ALK: variants seen among roughly 807,000 people sequenced by gnomAD.
ALK encodes the protein ALK receptor tyrosine kinase, also known as ALK tyrosine kinase receptor.
ALK carries 74 observed loss-of-function variants against 163.1 expected under a neutral mutation model. That is an observed-to-expected ratio of 0.45 (90% CI 0.38 to 0.55). The LOEUF is 0.55. ALK is among the 20% of genes least tolerant of loss of function. The pLI is 0.00. For missense variants in ALK, 2,063 were observed against 2,105.3 expected, an observed-to-expected ratio of 0.98 and a Z score of 0.39; for synonymous variants, 960 against 843.2, an observed-to-expected ratio of 1.14 and a Z score of -2.40.
intron 3 of ALK, among the ~76,000 whole-genome samples, chr2:29,556,373 C>G (rs540896769): frequency 8.3e-4 from 127 of 152,336 alleles, no homozygotes; most frequent in African/African-American, 3.0e-3. Context: ...GTGTGGCATT[C>G]AGCAAGGGTT....
rs2148138148 is a variant in ALK at position 29,193,600 on chromosome 2, C to T, written c.4487G>A (p.Arg1496Lys). The stretch of plus-strand genomic sequence containing the variant: ...GTTCCACAAGCTGGTGGGCTTGTTT[C>T]TGGATCCGTGGACCTTGTGCAACTC... ...PSELHKVHGS[R>K]NKPTSLWNPT... The change falls in exon 29 of 29, where the codon AGA becomes AAA. Residue 1496 changes from arginine (R) to lysine (K), a missense_variant. Arg to Lys is a conservative substitution (Grantham distance 26, BLOSUM62 2). Transcript: ENST00000389048. 1 of 1,614,224 alleles carries T rather than the reference C, an allele frequency of 6.2e-7. No individual in the cohort carries two copies. The highest frequency in any genetic ancestry group is 8.5e-7 in the Non-Finnish European group (1 of 1,180,034).
intron 5 of ALK, among the ~76,000 whole-genome samples, chr2:29,349,065 CA>C (rs5830112): frequency 0.73 from 111,070 of 152,110 alleles, 41,197 homozygotes; most frequent in East Asian, 0.98. Context: ...TACTGTCCAT[CA>C]AGTTCTTAGT....
chr2:29,602,009 A>T (rs1675392455), intron 3 of ALK, among the ~76,000 whole-genome samples: 1 of 152,158 alleles, frequency 6.6e-6, no homozygotes, highest in Non-Finnish European at 1.5e-5. Flanking sequence ...TGAGTGCCTC[A>T]AGGGTTGGAT....
chr2:29,229,455 C>T (rs1018910285), intron 15 of ALK, among the ~76,000 whole-genome samples: 1 of 152,310 alleles, frequency 6.6e-6, no homozygotes, highest in East Asian at 1.9e-4. Context: ...ACTGGACCTT[C>T]GTTTCATTAA....
intron 12 of ALK, among the ~76,000 whole-genome samples, chr2:29,250,651 G>A (rs1664792477): frequency 6.6e-6 from 1 of 152,194 alleles, no homozygotes; most frequent in African/African-American, 2.4e-5. Flanking sequence ...GGGGCTGGGA[G>A]GAGCGTTCCA....
chr2:29,365,191 G>T (rs1455347788), intron 5 of ALK, among the ~76,000 whole-genome samples: 2 of 152,212 alleles, frequency 1.3e-5, no homozygotes, highest in East Asian at 3.8e-4. Flanking sequence ...GCTAGACTCT[G>T]CCCAAAACAT....
intron 2 of ALK, among the ~76,000 whole-genome samples, chr2:29,696,797 C>T (rs535591835): frequency 6.6e-6 from 1 of 152,116 alleles, no homozygotes; most frequent in Admixed American, 6.5e-5. Flanking sequence ...GCTTACATAG[C>T]CCCTGACCCA....
intron 4 of ALK, among the ~76,000 whole-genome samples, chr2:29,468,428 G>T (rs555739232): frequency 2.4e-4 from 36 of 152,254 alleles, no homozygotes; most frequent in African/African-American, 8.7e-4. Flanking sequence ...TATATTTTAG[G>T]GTGAAGTTGA....
At chr2:29,711,300 TC>T in intron 2 of ALK, among the ~76,000 whole-genome samples, 1 of 152,248 alleles carries the variant, frequency 6.6e-6, no homozygotes, top group Non-Finnish European at 1.5e-5. Context: ...AGAACACTCT[TC>T]TCCTGACTCT....
chr2:29,678,982 A>G (rs1229779394), intron 3 of ALK, among the ~76,000 whole-genome samples: 1 of 151,912 alleles, frequency 6.6e-6, no homozygotes, highest in African/African-American at 2.4e-5. Flanking sequence ...ATCTCCCACT[A>G]TAATTGTTGA....
intron 3 of ALK, among the ~76,000 whole-genome samples, chr2:29,540,592 TA>T (rs76226915): frequency 0.19 from 27,036 of 142,836 alleles, 2,654 homozygotes; most frequent in South Asian, 0.23. Context: ...TTTTTTTTTT[TA>T]AAAAAAAAAA....
intron 1 of ALK, among the ~76,000 whole-genome samples, chr2:29,741,466 C>T (rs952218634): frequency 6.6e-6 from 1 of 152,102 alleles, no homozygotes. Flanking sequence ...TTGCTGCGAA[C>T]CTAAAACTGC....
chr2:29,789,015 CTGTGTGTG>C (rs57619106), intron 1 of ALK, among the ~76,000 whole-genome samples: 174 of 125,490 alleles, frequency 1.4e-3, no homozygotes, highest in African/African-American at 3.8e-3. Flanking sequence ...TCCTGGTACA[CTGTGTGTG>C]TGTGTGTGTG....
intron 4 of ALK, among the ~76,000 whole-genome samples, chr2:29,487,272 C>T (rs1416673069): frequency 6.6e-6 from 1 of 152,138 alleles, no homozygotes; most frequent in Non-Finnish European, 1.5e-5. Flanking sequence ...ATGCTTCCTA[C>T]CAGAGCTGGG....
intron 11 of ALK, among the ~76,000 whole-genome samples, chr2:29,274,190 C>A (rs1416818203): frequency 6.6e-6 from 1 of 152,162 alleles, no homozygotes; most frequent in Non-Finnish European, 1.5e-5. Context: ...GTCTAGTTCA[C>A]ATGTTGAGAG....
chr2:29,200,850 G>GTGTATATATAT (rs1558609069), intron 26 of ALK, among the ~76,000 whole-genome samples: 1 of 140,756 alleles, frequency 7.1e-6, no homozygotes, highest in South Asian at 2.2e-4. Flanking sequence ...TGTGTATATA[G>GTGTATATATAT]ATACGTATAT....
At chr2:29,533,096 T>C (rs1226897313) in intron 3 of ALK, among the ~76,000 whole-genome samples, 2 of 152,228 alleles carry the variant, frequency 1.3e-5, no homozygotes, top group Non-Finnish European at 2.9e-5. Flanking sequence ...TTCCAGGAAT[T>C]GGAGGTTTCC....
intron 11 of ALK, among the ~76,000 whole-genome samples, chr2:29,274,644 G>A (rs1000589683): frequency 6.6e-6 from 1 of 152,210 alleles, no homozygotes; most frequent in Non-Finnish European, 1.5e-5. Flanking sequence ...CTGAGCTCTG[G>A]GGGAACTGTG....
intron 1 of ALK, among the ~76,000 whole-genome samples, chr2:29,863,846 T>C (rs997511752): frequency 2.6e-5 from 4 of 152,282 alleles, no homozygotes; most frequent in Admixed American, 2.0e-4. Context: ...TGCAGTATTA[T>C]TAACCTTCCC....
Sources: gnomAD v4.1 joint callset for allele counts (sites outside exome capture counted in the v4.1 genomes callset) on GRCh38, gnomAD v4.1.1 for gene constraint, MANE v1.5 for transcripts, NCBI Gene and HGNC (gene_info 2026-07-23, HGNC 2026-07-21) for gene names.